SPP2: variants seen among roughly 807,000 people sequenced by gnomAD.
The protein encoded by SPP2 is secreted phosphoprotein 24.
A neutral mutation model predicts 28.8 loss-of-function variants in SPP2; 34 were observed. That is an observed-to-expected ratio of 1.18 (90% confidence interval 0.90 to 1.57). SPP2 has a LOEUF of 1.57. Ranked by LOEUF, SPP2 falls within the 40% of genes most tolerant of loss-of-function variation. The pLI is 0.00. For synonymous variants in SPP2, 96 were observed against 89.4 expected (o/e 1.07, Z -0.42); for missense variants, 269 against 263.9 (o/e 1.02, Z -0.13).
intron 2 of SPP2, among the ~76,000 whole-genome samples, chr2:234,057,681 T>C (rs938017439): frequency 2.0e-5 from 3 of 152,228 alleles, no homozygotes; most frequent in African/African-American, 7.2e-5. Context: ...CAGGAATTTG[T>C]GACATCAGAA....
chr2:234,053,047 C>T (rs1047872731), intron 2 of SPP2, among the ~76,000 whole-genome samples: 1 of 151,764 alleles, frequency 6.6e-6, no homozygotes, highest in South Asian at 2.1e-4. Context: ...AAACAATTCA[C>T]GAAAGAGGAA....
chr2:234,074,890 A>G (rs536906624), intron 7 of SPP2, among the ~76,000 whole-genome samples: 1 of 151,190 alleles, frequency 6.6e-6, no homozygotes, highest in Non-Finnish European at 1.5e-5. Flanking sequence ...TAACACACAC[A>G]TTTTCTCTGT....
intron 4 of SPP2, among the ~76,000 whole-genome samples, chr2:234,062,081 T>A (rs144263328): frequency 1.1e-4 from 17 of 152,340 alleles, no homozygotes; most frequent in African/African-American, 4.1e-4. Context: ...TCTTGATTTG[T>A]GGTTCATATG....
chr2:234,054,718 G>C (rs759266940), intron 2 of SPP2, among the ~76,000 whole-genome samples: 7 of 152,122 alleles, frequency 4.6e-5, no homozygotes, highest in Non-Finnish European at 8.8e-5. Context: ...TTCACTATAC[G>C]GATTGGGGCA....
At chr2:234,052,915 A>G (rs532325996) in intron 2 of SPP2, among the ~76,000 whole-genome samples, 1 of 152,266 alleles carries the variant, frequency 6.6e-6, no homozygotes, top group Admixed American at 6.5e-5. Flanking sequence ...GTCTTCTATA[A>G]ACACCCTATA....
At chr2:234,075,169 T>C (rs559535481) in intron 7 of SPP2, among the ~76,000 whole-genome samples, 2 of 152,208 alleles carry the variant, frequency 1.3e-5, no homozygotes, top group East Asian at 1.9e-4. Flanking sequence ...TGTCTGAGAA[T>C]GAGTGAGAAA....
In SPP2 at chr2:234,053,193, G is replaced by A. The variant is rs185693376; in HGVS notation, c.210+2098G>A. 8.9e-4 allele frequency among the ~76,000 whole-genome samples: 136 copies of A among 152,206 alleles called. 1 individual carries two copies. The highest frequency in any genetic ancestry group is 1.6e-3 in the African/African-American group (67 of 41,530). ...CGGTGAAAAAAACATCACAACTGCC[G>A]CTCGAGAGTTTGGAATTTTGTAAAA... is the stretch of plus-strand genomic sequence containing the variant. On this transcript the variant is annotated intron_variant, in intron 2 of 7. Coordinates refer to ENST00000168148, the MANE Select transcript of SPP2 (RefSeq NM_006944.3).
chr2:234,076,636 G>A (rs1354182049), intron 7 of SPP2, among the ~76,000 whole-genome samples: 1 of 152,132 alleles, frequency 6.6e-6, no homozygotes, highest in Non-Finnish European at 1.5e-5. Context: ...GGTGGCAGCT[G>A]TGGCCAACCT....
At chr2:234,057,192 C>A (rs1352963517) in intron 2 of SPP2, among the ~76,000 whole-genome samples, 1 of 152,142 alleles carries the variant, frequency 6.6e-6, no homozygotes, top group African/African-American at 2.4e-5. Flanking sequence ...CACGGTGATT[C>A]ACGTGCTGCT....
At chr2:234,075,929 T>G (rs1049517612) in intron 7 of SPP2, among the ~76,000 whole-genome samples, 2 of 152,186 alleles carry the variant, frequency 1.3e-5, no homozygotes, top group Non-Finnish European at 1.5e-5. Flanking sequence ...CCTCACCCAG[T>G]TGGTCACCGA....
chr2:234,064,703 T>C (rs984720907), intron 4 of SPP2, among the ~76,000 whole-genome samples: 2 of 152,226 alleles, frequency 1.3e-5, no homozygotes, highest in African/African-American at 4.8e-5. Context: ...CCAGTAACAG[T>C]TGTTCTCTAT....
rs1167154550 is a variant in SPP2 at position 234,070,398 on chromosome 2, C to A, written c.*10+375C>A. On this transcript the variant is annotated intron_variant, in intron 7 of 7. Transcript: ENST00000168148. Reference sequence around the variant, plus strand: ...CGGTCTCTGGTTGCTTCCTCAACCTCCTCACCTCACATCTATGAAATCTCA... The same window carrying A: ...CGGTCTCTGGTTGCTTCCTCAACCTACTCACCTCACATCTATGAAATCTCA... Among the ~76,000 whole-genome samples, 3 of 152,234 alleles carry A rather than the reference C, an allele frequency of 2.0e-5. No individual in the cohort carries two copies. The East Asian group carries it at 5.8e-4, about 29-fold the overall frequency.
intron 2 of SPP2, among the ~76,000 whole-genome samples, chr2:234,058,136 G>T (rs10171064): frequency 6.6e-6 from 1 of 151,864 alleles, no homozygotes; most frequent in Non-Finnish European, 1.5e-5. Flanking sequence ...TTGAACTCAC[G>T]ACCAACAGCA....
chr2:234,057,422 A>G (rs1170963762), intron 2 of SPP2, among the ~76,000 whole-genome samples: 2 of 152,138 alleles, frequency 1.3e-5, no homozygotes, highest in East Asian at 1.9e-4. Context: ...CCCATCCTTC[A>G]AGGCTCAGTT....
In SPP2 at chr2:234,070,943, G is replaced by A. The variant is rs141574076; in HGVS notation, c.*10+920G>A. ...TGTCTGGATCCAGGCCTTTATAACT[G>A]CCTCTTGGGTGGTGTTGCCATTGTG... On this transcript the variant is annotated intron_variant, in intron 7 of 7. Transcript: ENST00000168148. Among the ~76,000 whole-genome samples, 454 of 152,136 alleles carry A rather than the reference G, an allele frequency of 3.0e-3. 1 individual carries two copies. The highest frequency in any genetic ancestry group is 5.1e-3 in the Non-Finnish European group (346 of 67,996).
At chr2:234,051,122 C>T in intron 2 of SPP2, 27 bp downstream of exon 2, 2 of 1,606,724 alleles carry the variant, frequency 1.2e-6, no homozygotes, top group African/African-American at 1.3e-5. Context: ...ATCTTCTCTA[C>T]TCCTCCTTCC....
In SPP2 at chr2:234,077,000, C is replaced by T. The variant is rs908165418; in HGVS notation, c.*166C>T. The T allele has an allele frequency of 2.4e-4, 36 of 152,026 alleles. No individual in the cohort carries two copies. Among genetic ancestry groups the T allele is most frequent in the African/African-American group, 7.7e-4 (32 of 41,444 alleles). The allele number at this position is 152,026 out of a possible 1,614,324, so 9.4% of individuals were successfully genotyped here. A position where few individuals can be genotyped will look rare whatever the true frequency, so the allele number is the denominator to read the frequency against. On this transcript the variant is annotated 3_prime_UTR_variant, in exon 8 of 8. Coordinates refer to ENST00000168148, the MANE Select transcript of SPP2 (RefSeq NM_006944.3). ...TGAACGCATGCCACGGTGGTCTGAC[C>T]CTCACACTCCTTTTCTCTTAACAGC...
intron 4 of SPP2, among the ~76,000 whole-genome samples, 176 bp downstream of exon 4, chr2:234,060,655 C>T (rs190699613): frequency 6.6e-4 from 101 of 152,126 alleles, no homozygotes; most frequent in African/African-American, 2.2e-3. Flanking sequence ...TCCACATCCC[C>T]TACTTCTCCC....
intron 1 of SPP2, 49 bp downstream of exon 1, chr2:234,050,920 T>A (rs1244400221): frequency 6.2e-7 from 1 of 1,613,906 alleles, no homozygotes; most frequent in African/African-American, 1.3e-5. Flanking sequence ...TGCAGAGCCA[T>A]GCTGGCGCCT....
Sources: allele counts gnomAD v4.1 joint callset (sites outside exome capture counted in the v4.1 genomes callset), GRCh38; gene constraint gnomAD v4.1.1; transcripts MANE v1.5; gene names NCBI Gene and HGNC (gene_info 2026-07-23, HGNC 2026-07-21).